The following CNOT2 variants were observed in gnomAD, a reference collection of about 807,000 sequenced individuals.
CNOT2 encodes CC chemokine receptor 4-negative regulator of transcription 2.
In CNOT2, 7 loss-of-function variants were observed where a neutral mutation model predicts 72.1. That is an observed-to-expected ratio of 0.10 (90% CI 0.06 to 0.18). The LOEUF (loss-of-function observed/expected upper bound fraction) is 0.18. CNOT2 is among the 10% of genes least tolerant of loss of function. The pLI is 1.00. For missense variants in CNOT2, 345 were observed against 660.3 expected, an observed-to-expected ratio of 0.52 and a Z score of 5.23; for synonymous variants, 196 against 225.6, an observed-to-expected ratio of 0.87 and a Z score of 1.17.
chr12:70,249,197 T>C (rs1958023921), intron 1 of CNOT2, among the ~76,000 whole-genome samples: 2 of 151,976 alleles, frequency 1.3e-5, no homozygotes, highest in Admixed American at 6.5e-5. Flanking sequence ...TTGTAAATTA[T>C]AATGCCTATC....
intron 4 of CNOT2, among the ~76,000 whole-genome samples, chr12:70,321,056 C>G (rs1478906576): frequency 6.6e-6 from 1 of 151,720 alleles, no homozygotes; most frequent in Non-Finnish European, 1.5e-5. Flanking sequence ...TTTTAAGGTA[C>G]TTACTAGTTT....
intron 13 of CNOT2, among the ~76,000 whole-genome samples, chr12:70,342,795 A>G (rs550046562): frequency 2.6e-5 from 4 of 152,296 alleles, no homozygotes; most frequent in South Asian, 4.1e-4. Flanking sequence ...AAGAAAGAAA[A>G]TGGTGGCACT....
At chr12:70,281,964 C>G (rs1332924393) in intron 2 of CNOT2, among the ~76,000 whole-genome samples, 2 of 140,074 alleles carry the variant, frequency 1.4e-5, no homozygotes, top group Non-Finnish European at 3.3e-5. Context: ...AGATACAGAA[C>G]ATTTCTATCA....
intron 8 of CNOT2, chr12:70,336,375 T>C (rs915244755): frequency 1.3e-5 from 2 of 152,090 alleles, no homozygotes; most frequent in African/African-American, 2.4e-5. Context: ...AATGTAGATA[T>C]GAAAATTCTG....
intron 3 of CNOT2, among the ~76,000 whole-genome samples, chr12:70,313,010 A>G (rs935261095): frequency 6.6e-6 from 1 of 151,986 alleles, no homozygotes; most frequent in African/African-American, 2.4e-5. Flanking sequence ...ATTTTCCATC[A>G]AAAAGTTTGT....
At chr12:70,308,437 C>T (rs1001424998) in intron 2 of CNOT2, among the ~76,000 whole-genome samples, 6 of 152,184 alleles carry the variant, frequency 3.9e-5, no homozygotes, top group Middle Eastern at 3.4e-3. Context: ...CTGTCTCACT[C>T]TCGTTTTGTT....
At chr12:70,281,566 A>C (rs1869848786) in intron 2 of CNOT2, among the ~76,000 whole-genome samples, 1 of 152,268 alleles carries the variant, frequency 6.6e-6, no homozygotes, top group East Asian at 1.9e-4. Context: ...TTTCACACCC[A>C]CAGGGGTTTA....
At chr12:70,272,439 C>T (rs1360683636) in intron 1 of CNOT2, among the ~76,000 whole-genome samples, 1 of 152,048 alleles carries the variant, frequency 6.6e-6, no homozygotes, top group Non-Finnish European at 1.5e-5. Flanking sequence ...AATATAAAGG[C>T]CCTAAATTGA....
At chr12:70,284,011 T>A (rs1348894180) in intron 2 of CNOT2, among the ~76,000 whole-genome samples, 3 of 136,554 alleles carry the variant, frequency 2.2e-5, no homozygotes, top group Non-Finnish European at 4.6e-5. Flanking sequence ...ATCGCTGGAG[T>A]GCTCACCACA....
At chr12:70,316,568 C>T (rs17226164) in intron 3 of CNOT2, among the ~76,000 whole-genome samples, 2 of 152,068 alleles carry the variant, frequency 1.3e-5, no homozygotes, top group Non-Finnish European at 2.9e-5. Flanking sequence ...TATAGCTGAT[C>T]GATGCTTATT....
In CNOT2 at chr12:70,275,042, A is replaced by G. The variant is rs140384118; in HGVS notation, c.-95-3090A>G. ...CTTTGGGGCATAGTTGCTGAGTTGT[A>G]TGGTAAGCTTGTGTTTACCTTTATA... is the stretch of plus-strand genomic sequence containing the variant. On this transcript the variant is annotated intron_variant, in intron 1 of 15. Transcript: ENST00000229195. Among the ~76,000 whole-genome samples the G allele has an allele frequency of 8.2e-4, 125 of 152,206 alleles. No homozygotes were observed. The East Asian group carries it at 0.016, about 19-fold the overall frequency.
chr12:70,351,595 T>C (rs1186315743), intron 15 of CNOT2, among the ~76,000 whole-genome samples: 1 of 152,222 alleles, frequency 6.6e-6, no homozygotes, highest in East Asian at 1.9e-4. Flanking sequence ...TTGATAAAGT[T>C]AATCTAGTTT....
intron 4 of CNOT2, among the ~76,000 whole-genome samples, chr12:70,324,559 C>G (rs1401842421): frequency 6.6e-6 from 1 of 151,782 alleles, no homozygotes; most frequent in Non-Finnish European, 1.5e-5. Flanking sequence ...TGCCACTAAT[C>G]TAGAGCAGAA....
chr12:70,295,571 A>G (rs1872681080), intron 2 of CNOT2, among the ~76,000 whole-genome samples: 1 of 152,094 alleles, frequency 6.6e-6, no homozygotes, highest in African/African-American at 2.4e-5. Flanking sequence ...TTTATTCTAA[A>G]TGTAGAGATT....
At chr12:70,316,510 A>G (rs1877365094) in intron 3 of CNOT2, among the ~76,000 whole-genome samples, 1 of 152,100 alleles carries the variant, frequency 6.6e-6, no homozygotes, top group African/African-American at 2.4e-5. Flanking sequence ...GAAATTAGAT[A>G]TTTGCATTTT....
chr12:70,309,634 T>C (rs1876106575), intron 2 of CNOT2, among the ~76,000 whole-genome samples: 1 of 152,114 alleles, frequency 6.6e-6, no homozygotes, highest in Non-Finnish European at 1.5e-5. Context: ...ATAATGAATG[T>C]ACAAGACAGA....
chr12:70,344,524 A>G, intron 14 of CNOT2: 1 of 269,570 alleles, frequency 3.7e-6, no homozygotes, highest in Non-Finnish European at 7.0e-6. Flanking sequence ...GAAGTTAGGG[A>G]CAGCCTGGGC....
At chr12:70,271,007 A>G (rs1325749370) in intron 1 of CNOT2, among the ~76,000 whole-genome samples, 2 of 152,234 alleles carry the variant, frequency 1.3e-5, no homozygotes, top group Admixed American at 6.5e-5. Context: ...ACTAAACAGT[A>G]TGGAAAACTA....
chr12:70,311,426 G>A (rs1013394538), intron 3 of CNOT2, among the ~76,000 whole-genome samples: 31 of 151,950 alleles, frequency 2.0e-4, no homozygotes, highest in African/African-American at 7.0e-4. Flanking sequence ...AAAACTTTAT[G>A]CTTATTGTGT....
Sources: gnomAD v4.1 joint callset for allele counts (sites outside exome capture counted in the v4.1 genomes callset) on GRCh38, gnomAD v4.1.1 for gene constraint, MANE v1.5 for transcripts, NCBI Gene and HGNC (gene_info 2026-07-23, HGNC 2026-07-21) for gene names.